Variants in JAZF1 observed in about 807,000 individuals in gnomAD.
The protein encoded by JAZF1 is JAZF zinc finger 1.
A neutral mutation model predicts 26.4 loss-of-function variants in JAZF1; 8 were observed. The ratio of observed to expected loss-of-function variants is 0.30; its 90% confidence interval spans 0.18 to 0.55. The LOEUF is 0.55. JAZF1 is among the 20% of genes least tolerant of loss of function. The pLI is 0.94. For missense variants in JAZF1, 199 were observed against 322.0 expected (o/e 0.62, Z 2.92); for synonymous variants, 126 against 122.3 (o/e 1.03, Z -0.20).
chr7:27,839,731 G>A (rs966748794), intron 4 of JAZF1, among the ~76,000 whole-genome samples: 5 of 152,192 alleles, frequency 3.3e-5, no homozygotes, highest in Admixed American at 2.6e-4. Context: ...TGTGTGCCAT[G>A]CTTTTATATC....
chr7:28,155,251 A>C (rs935526300), intron 1 of JAZF1, among the ~76,000 whole-genome samples: 23 of 152,342 alleles, frequency 1.5e-4, no homozygotes, highest in African/African-American at 5.5e-4. Context: ...CAGGGCATGA[A>C]AGAGACTGGG....
intron 1 of JAZF1, among the ~76,000 whole-genome samples, chr7:28,070,003 C>G (rs1425310970): frequency 1.3e-5 from 2 of 152,164 alleles, no homozygotes; most frequent in Non-Finnish European, 1.5e-5. Flanking sequence ...ATGCCTTTCT[C>G]TCCCTGCTCA....
At chr7:27,860,005 T>G (rs907917244) in intron 3 of JAZF1, among the ~76,000 whole-genome samples, 13 of 152,364 alleles carry the variant, frequency 8.5e-5, no homozygotes, top group Admixed American at 5.9e-4. Flanking sequence ...GTTTTTGAAC[T>G]GTGGTGGGAG....
chr7:28,166,410 G>C (rs963282566), intron 1 of JAZF1, among the ~76,000 whole-genome samples: 1 of 152,174 alleles, frequency 6.6e-6, no homozygotes, highest in Non-Finnish European at 1.5e-5. Context: ...TTATTAAAGA[G>C]ATGCACAGCC....
intron 2 of JAZF1, among the ~76,000 whole-genome samples, chr7:27,950,724 C>T (rs921273220): frequency 7.2e-5 from 11 of 152,140 alleles, no homozygotes; most frequent in African/African-American, 2.7e-4. Context: ...CCACTATGTG[C>T]CATGAGCTTG....
At chr7:27,969,863 C>T (rs527662431) in intron 2 of JAZF1, among the ~76,000 whole-genome samples, 27 of 152,062 alleles carry the variant, frequency 1.8e-4, no homozygotes, top group Admixed American at 5.2e-4. Flanking sequence ...TGCAGTATGG[C>T]GAGAAATCAT....
In JAZF1 at chr7:27,904,602, T is replaced by C. The variant is rs530235656; in HGVS notation, c.189-9186A>G. Among the ~76,000 whole-genome samples the C allele has an allele frequency of 7.9e-5, 12 of 152,332 alleles. No individual in the cohort carries two copies. The South Asian group carries it at 1.2e-3, about 16-fold the overall frequency. ...TTTCACTTCTTATCCCAGAGTTATT[T>C]CTGACTTCACGATCTGAGGCCCACG... On this transcript the variant is annotated intron_variant, in intron 2 of 4. Transcript: ENST00000283928.
At chr7:27,935,923 A>T (rs1331447852) in intron 2 of JAZF1, among the ~76,000 whole-genome samples, 1 of 152,172 alleles carries the variant, frequency 6.6e-6, no homozygotes, top group Non-Finnish European at 1.5e-5. Context: ...AGTTCCATGC[A>T]GGGCCAGGAC....
chr7:28,074,660 G>A (rs992839761), intron 1 of JAZF1, among the ~76,000 whole-genome samples: 3 of 152,060 alleles, frequency 2.0e-5, no homozygotes, highest in Non-Finnish European at 4.4e-5. Context: ...TTATAAAGGA[G>A]TTTATAAAAA....
At chr7:27,930,372 T>C (rs981439086) in intron 2 of JAZF1, among the ~76,000 whole-genome samples, 11 of 152,228 alleles carry the variant, frequency 7.2e-5, no homozygotes, top group African/African-American at 2.7e-4. Flanking sequence ...AAATGTATCT[T>C]ACATGAAAAT....
intron 1 of JAZF1, among the ~76,000 whole-genome samples, chr7:28,043,205 C>T (rs1023375428): frequency 1.3e-5 from 2 of 152,114 alleles, no homozygotes; most frequent in Non-Finnish European, 2.9e-5. Flanking sequence ...AATAAACTGG[C>T]GAGCCAATGG....
At chr7:27,932,952 G>C (rs947966543) in intron 2 of JAZF1, among the ~76,000 whole-genome samples, 9 of 152,200 alleles carry the variant, frequency 5.9e-5, no homozygotes, top group African/African-American at 2.2e-4. Context: ...CATGTGTAAA[G>C]ATGATATACA....
chr7:27,998,637 C>A (rs1000521482), intron 1 of JAZF1, among the ~76,000 whole-genome samples: 1 of 152,186 alleles, frequency 6.6e-6, no homozygotes, highest in Non-Finnish European at 1.5e-5. Flanking sequence ...AATGTGAAAT[C>A]CAGATGCGGT....
At chr7:28,145,343 T>C (rs762457785) in intron 1 of JAZF1, among the ~76,000 whole-genome samples, 7 of 152,158 alleles carry the variant, frequency 4.6e-5, no homozygotes, top group Non-Finnish European at 7.4e-5. Flanking sequence ...CCCAAAATAC[T>C]GGAGGTAAAT....
At chr7:28,046,656 G>A (rs541514786) in intron 1 of JAZF1, among the ~76,000 whole-genome samples, 2 of 152,258 alleles carry the variant, frequency 1.3e-5, no homozygotes, top group East Asian at 3.9e-4. Context: ...CCCAAGTGCT[G>A]GACATTGCCA....
rs1783631137 is a variant in JAZF1 at position 28,180,617 on chromosome 7, G to C, written c.-40C>G. On this transcript the variant is annotated 5_prime_UTR_variant, in exon 1 of 5. Coordinates refer to ENST00000283928, the MANE Select transcript of JAZF1 (RefSeq NM_175061.4). ...AGCCCCCCTGGTGTCGGCTCTGCGA[G>C]CGCCGGGCGGGCGAGGGAGGGAGGG... is the stretch of plus-strand genomic sequence containing the variant. The C allele has an allele frequency of 6.4e-7, 1 of 1,552,328 alleles. No individual in the cohort carries two copies. Among genetic ancestry groups the C allele is most frequent in the African/African-American group, 1.4e-5 (1 of 72,312 alleles).
Position 27,961,381 on chromosome 7 carries a change from C to T in JAZF1, c.188+30528G>A, listed in dbSNP as rs565468540. Among the ~76,000 whole-genome samples the T allele has an allele frequency of 1.4e-4, 22 of 152,270 alleles. 1 individual carries two copies. The highest frequency in any genetic ancestry group is 5.1e-4 in the African/African-American group (21 of 41,554). ...TATAATATATGATGTGTATATGAAA[C>T]GTAATTGCCTGAGGCAGGATTCTCA... On this transcript the variant is annotated intron_variant, in intron 2 of 4. Transcript: ENST00000283928.
chr7:28,145,921 T>C, intron 1 of JAZF1, among the ~76,000 whole-genome samples: 1 of 152,200 alleles, frequency 6.6e-6, no homozygotes. Context: ...TATGATGGGT[T>C]TGAGAGTCAT....
chr7:28,001,355 A>AC (rs201541163), intron 1 of JAZF1, among the ~76,000 whole-genome samples: 2,119 of 152,138 alleles, frequency 0.014, 55 homozygotes, highest in African/African-American at 0.048. Flanking sequence ...CTGTCTCAAA[A>AC]AAAACAAAAC....
Sources: allele counts gnomAD v4.1 joint callset (sites outside exome capture counted in the v4.1 genomes callset), GRCh38; gene constraint gnomAD v4.1.1; transcripts MANE v1.5; gene names NCBI Gene and HGNC (gene_info 2026-07-23, HGNC 2026-07-21).